LHFPL3: variants seen among roughly 807,000 people sequenced by gnomAD.
LHFPL3 encodes LHFPL tetraspan subfamily member 3, also known as LHFPL tetraspan subfamily member 3 protein.
A neutral mutation model predicts 19.3 loss-of-function variants in LHFPL3; 5 were observed. The observed-to-expected ratio is 0.26, with a 90% CI of 0.14 to 0.54. LHFPL3 has a LOEUF of 0.54. Among genes scored for constraint, LHFPL3 ranks in the 20% least tolerant of loss-of-function variants. The probability of loss-of-function intolerance (pLI) is 0.94; values close to 1 mark genes in which losing one functional copy is unlikely to be tolerated. For missense variants in LHFPL3, 249 were observed against 307.4 expected, an observed-to-expected ratio of 0.81 and a Z score of 1.42; for synonymous variants, 133 against 126.2, an observed-to-expected ratio of 1.05 and a Z score of -0.36.
chr7:104,429,736 A>G (rs57089448), intron 1 of LHFPL3, among the ~76,000 whole-genome samples: 118 of 152,284 alleles, frequency 7.7e-4, no homozygotes, highest in African/African-American at 2.5e-3. Context: ...AGGTAGGATA[A>G]TAATAAGTAA....
intron 2 of LHFPL3, among the ~76,000 whole-genome samples, chr7:104,806,069 A>G (rs1790356596): frequency 6.6e-6 from 1 of 152,350 alleles, no homozygotes; most frequent in East Asian, 1.9e-4. Context: ...ACGACTGACA[A>G]TGCAGGAACT....
At chr7:104,801,303 G>A (rs758027981) in intron 2 of LHFPL3, among the ~76,000 whole-genome samples, 1 of 152,102 alleles carries the variant, frequency 6.6e-6, no homozygotes, top group East Asian at 1.9e-4. Flanking sequence ...AGCTCAGCCA[G>A]GGCTCTCACA....
intron 1 of LHFPL3, among the ~76,000 whole-genome samples, chr7:104,581,500 A>C (rs1790461161): frequency 6.6e-6 from 1 of 151,994 alleles, no homozygotes; most frequent in Non-Finnish European, 1.5e-5. Context: ...AGAAGTTTTT[A>C]ACTTTAAGGC....
intron 1 of LHFPL3, among the ~76,000 whole-genome samples, chr7:104,487,784 G>T (rs143409226): frequency 3.1e-3 from 465 of 152,140 alleles, no homozygotes; most frequent in African/African-American, 0.011. Flanking sequence ...CTGTTTTATG[G>T]TCTTCCTTCA....
At chr7:104,546,323 A>G (rs1794577816) in intron 1 of LHFPL3, among the ~76,000 whole-genome samples, 1 of 152,214 alleles carries the variant, frequency 6.6e-6, no homozygotes, top group South Asian at 2.1e-4. Context: ...ATAGCAATAT[A>G]TTTAATCTAG....
intron 2 of LHFPL3, among the ~76,000 whole-genome samples, chr7:104,897,193 G>A (rs1480490760): frequency 1.3e-5 from 2 of 152,142 alleles, no homozygotes; most frequent in Admixed American, 6.6e-5. Flanking sequence ...TTCCATGACT[G>A]CCACGTCATT....
chr7:104,859,266 CA>C (rs565168699), intron 2 of LHFPL3, among the ~76,000 whole-genome samples: 81 of 131,484 alleles, frequency 6.2e-4, no homozygotes, highest in Non-Finnish European at 7.5e-4. Flanking sequence ...GACACTGTCT[CA>C]AAAAAAAAAA....
intron 2 of LHFPL3, among the ~76,000 whole-genome samples, chr7:104,888,539 T>C (rs1239874023): frequency 6.6e-6 from 1 of 152,078 alleles, no homozygotes; most frequent in East Asian, 1.9e-4. Context: ...AAAAGAGATA[T>C]ATAATACAGA....
rs542153308 is a variant in LHFPL3 at position 104,664,348 on chromosome 7, A to G, written c.446-72327A>G. Among the ~76,000 whole-genome samples the G allele has an allele frequency of 4.0e-5, 6 of 151,560 alleles. No individual in the cohort carries two copies. In the South Asian group the frequency reaches 6.2e-4, roughly 16 times the overall value. On this transcript the variant is annotated intron_variant, in intron 1 of 2. Coordinates refer to ENST00000424859, the MANE Select transcript of LHFPL3 (RefSeq NM_199000.3). ...AATGACCCTCCAATTCTTTTTGAATACATGCTAAAATAATACAAATTTTTT... is the reference window on the plus strand; with the variant it reads ...AATGACCCTCCAATTCTTTTTGAATGCATGCTAAAATAATACAAATTTTTT...
chr7:104,523,392 T>G (rs1167710010), intron 1 of LHFPL3, among the ~76,000 whole-genome samples: 1 of 152,204 alleles, frequency 6.6e-6, no homozygotes, highest in African/African-American at 2.4e-5. Flanking sequence ...TTACCTAGGA[T>G]AAGGGAGAAA....
intron 1 of LHFPL3, among the ~76,000 whole-genome samples, chr7:104,407,438 C>T (rs1028842526): frequency 6.6e-6 from 1 of 152,150 alleles, no homozygotes; most frequent in East Asian, 1.9e-4. Flanking sequence ...GGGCAGATCA[C>T]CTGAGGTCAT....
chr7:104,449,008 T>A (rs924787738), intron 1 of LHFPL3, among the ~76,000 whole-genome samples: 1 of 152,220 alleles, frequency 6.6e-6, no homozygotes, highest in Non-Finnish European at 1.5e-5. Context: ...CAGATTAAAA[T>A]TAAGATGATG....
At chr7:104,719,230 A>C (rs1584495651) in intron 1 of LHFPL3, among the ~76,000 whole-genome samples, 1 of 152,224 alleles carries the variant, frequency 6.6e-6, no homozygotes, top group African/African-American at 2.4e-5. Context: ...ATTATTATAC[A>C]TACAAGTAGC....
intron 1 of LHFPL3, among the ~76,000 whole-genome samples, chr7:104,698,238 C>T (rs1793033513): frequency 6.6e-6 from 1 of 152,144 alleles, no homozygotes; most frequent in Non-Finnish European, 1.5e-5. Context: ...CATATAAGAA[C>T]AACAAAACAA....
intron 1 of LHFPL3, among the ~76,000 whole-genome samples, chr7:104,608,692 C>G (rs2115737196): frequency 6.6e-6 from 1 of 152,132 alleles, no homozygotes; most frequent in South Asian, 2.1e-4. Flanking sequence ...AGCCTAAGAC[C>G]AAAGGCACCA....
chr7:104,375,067 G>A (rs1030421592), intron 1 of LHFPL3, among the ~76,000 whole-genome samples: 1 of 152,098 alleles, frequency 6.6e-6, no homozygotes, highest in East Asian at 1.9e-4. Context: ...GGCCAGGCAC[G>A]GTGGCTTACC....
At chr7:104,489,813 T>G (rs1045726293) in intron 1 of LHFPL3, among the ~76,000 whole-genome samples, 3 of 152,154 alleles carry the variant, frequency 2.0e-5, no homozygotes, top group African/African-American at 4.8e-5. Context: ...ATTGGAATAA[T>G]TTGGAGACAA....
rs116714218 is a variant in LHFPL3, at chr7:104,500,388, T to C, written c.445+171164T>C. On this transcript the variant is annotated intron_variant, in intron 1 of 2. Coordinates refer to ENST00000424859, the MANE Select transcript of LHFPL3 (RefSeq NM_199000.3). ...TTTTACCAAGTAGTGCTTACTAAAA[T>C]TTGCTTTATAAAGCTGAAAATGTCA... is the stretch of plus-strand genomic sequence containing the variant. Among the ~76,000 whole-genome samples the C allele has an allele frequency of 7.3e-3, 1,105 of 152,308 alleles. 17 individuals are homozygous for C. Among genetic ancestry groups the C allele is most frequent in the African/African-American group, 0.025 (1,020 of 41,562 alleles).
chr7:104,664,367 AT>A (rs1006686106), intron 1 of LHFPL3, among the ~76,000 whole-genome samples: 2 of 152,206 alleles, frequency 1.3e-5, no homozygotes, highest in African/African-American at 4.8e-5. Flanking sequence ...AATAATACAA[AT>A]TTTTTAATTA....
Sources: allele counts gnomAD v4.1 joint callset (sites outside exome capture counted in the v4.1 genomes callset), GRCh38; gene constraint gnomAD v4.1.1; transcripts MANE v1.5; gene names NCBI Gene and HGNC (gene_info 2026-07-23, HGNC 2026-07-21).